AAGAB: variants seen among roughly 807,000 people sequenced by gnomAD.
The protein encoded by AAGAB is alpha- and gamma-adaptin-binding protein p34.
In AAGAB, 38 loss-of-function variants were observed where a neutral mutation model predicts 44.1. That is an observed-to-expected ratio of 0.86 (90% CI 0.67 to 1.13). The LOEUF (loss-of-function observed/expected upper bound fraction) is 1.13, where lower values mean the gene tolerates loss of function less well. Among genes scored for constraint, AAGAB ranks in the 50% most tolerant of loss-of-function variants. The pLI, the probability that AAGAB is intolerant of heterozygous loss-of-function variation, is 0.00. For synonymous variants in AAGAB, 131 were observed against 131.8 expected, an observed-to-expected ratio of 0.99 and a Z score of 0.04; for missense variants, 450 against 373.8, an observed-to-expected ratio of 1.20 and a Z score of -1.68.
intron 1 of AAGAB, among the ~76,000 whole-genome samples, chr15:67,238,844 C>T (rs368941384): frequency 1.3e-5 from 2 of 152,000 alleles, no homozygotes; most frequent in Non-Finnish European, 2.9e-5. Flanking sequence ...TACAGGCACC[C>T]GCCACCATGC....
chr15:67,226,584 GT>G (rs1259154805), intron 5 of AAGAB: 1 of 152,138 alleles, frequency 6.6e-6, no homozygotes, highest in African/African-American at 2.4e-5. Flanking sequence ...TAAGATACAT[GT>G]TTTACAAATA....
chr15:67,222,282 A>ACACACACACACACACACACACACACCCCC (rs796412643), intron 5 of AAGAB, among the ~76,000 whole-genome samples: 1 of 139,850 alleles, frequency 7.2e-6, no homozygotes, highest in Non-Finnish European at 1.6e-5. Flanking sequence ...ACACACACAC[A>ACACACACACACACACACACACACACCCCC]CCCTCCACCC....
chr15:67,255,172 C>G (rs543018360), upstream of AAGAB: 128 of 594,340 alleles, frequency 2.2e-4, 1 homozygote, highest in East Asian at 3.4e-3. Context: ...GACTTTCTGC[C>G]TCTGGGAAAA....
At chr15:67,217,725 ATGGGG>A (rs1963982862) in intron 5 of AAGAB, among the ~76,000 whole-genome samples, 1 of 152,004 alleles carries the variant, frequency 6.6e-6, no homozygotes, top group Admixed American at 6.6e-5. Context: ...TTTAGTAGAG[ATGGGG>A]TTTCACCATG....
chr15:67,214,802 G>C (rs1963904476), intron 5 of AAGAB, among the ~76,000 whole-genome samples: 1 of 152,010 alleles, frequency 6.6e-6, no homozygotes. Context: ...CACCGCGCCT[G>C]GCTAATTTTG....
intron 1 of AAGAB, chr15:67,254,312 C>T: frequency 9.2e-7 from 1 of 1,091,052 alleles, no homozygotes; most frequent in Non-Finnish European, 1.2e-6. Flanking sequence ...CTGGGCTGAG[C>T]AGAGCGGGAA....
In AAGAB at chr15:67,254,560, T is replaced by A; in HGVS notation, c.72A>T (p.Gln24His). Reference sequence around the variant, plus strand: ...CGGCCCAGGCGCCTATCTACTCACGTTGGACCAGCTGGTCTCCTGAGAAGA... The same window carrying A: ...CGGCCCAGGCGCCTATCTACTCACGATGGACCAGCTGGTCTCCTGAGAAGA... The part of the protein sequence containing the change: ...SSVFSGDQLV[Q>H]HILGTEDLIV... The change falls in exon 1 of 10, where the codon CAA becomes CAT. Residue 24 changes from glutamine (Q) to histidine (H), a missense_variant and splice_region_variant. Gln to His is a conservative substitution (Grantham distance 24). Coordinates refer to ENST00000261880, the MANE Select transcript of AAGAB (RefSeq NM_024666.5). 1 of 1,607,804 alleles carries A rather than the reference T, an allele frequency of 6.2e-7. No homozygotes were observed. The highest frequency in any genetic ancestry group is 8.5e-7 in the Non-Finnish European group (1 of 1,178,058).
intron 4 of AAGAB, 65 bp downstream of exon 4, chr15:67,235,914 T>C (rs1964449579): frequency 3.2e-6 from 4 of 1,238,334 alleles, no homozygotes; most frequent in Non-Finnish European, 4.6e-6. Flanking sequence ...TGATTCTTCT[T>C]CCCTGAATTA....
intron 7 of AAGAB, among the ~76,000 whole-genome samples, 191 bp downstream of exon 7, chr15:67,208,371 A>G (rs1290659263): frequency 6.6e-6 from 1 of 152,200 alleles, no homozygotes; most frequent in Non-Finnish European, 1.5e-5. Flanking sequence ...TGGTACCCAC[A>G]TATTTGTTAT....
chr15:67,232,566 C>T (rs909598723), intron 4 of AAGAB: 8 of 404,554 alleles, frequency 2.0e-5, no homozygotes, highest in South Asian at 8.3e-5. Flanking sequence ...GAGAGAAATT[C>T]GGGAAAAAGT....
chr15:67,238,112 C>CA (rs560651431), intron 1 of AAGAB, among the ~76,000 whole-genome samples: 1 of 151,578 alleles, frequency 6.6e-6, no homozygotes, highest in East Asian at 1.9e-4. Context: ...CTTTTTTTAG[C>CA]AAAAAAATTA....
chr15:67,212,308 TTACC>T (rs1278613030), intron 5 of AAGAB, among the ~76,000 whole-genome samples: 3 of 152,212 alleles, frequency 2.0e-5, no homozygotes, highest in Non-Finnish European at 4.4e-5. Flanking sequence ...CATGTATTAT[TTACC>T]TATTCGAAGA....
chr15:67,232,014 G>A, intron 4 of AAGAB, 117 bp from the exon 5 acceptor site: 1 of 730,136 alleles, frequency 1.4e-6, no homozygotes, highest in Non-Finnish European at 2.3e-6. Context: ...AGCACTTTGG[G>A]AGGCCAAGGA....
chr15:67,209,367 A>G, intron 6 of AAGAB, 95 bp downstream of exon 6: 1 of 1,087,630 alleles, frequency 9.2e-7, no homozygotes, highest in Non-Finnish European at 1.4e-6. Flanking sequence ...CACCTTTTAA[A>G]TGGAAAGGAA....
At chr15:67,207,624 T>C (rs1424679380) in intron 7 of AAGAB, among the ~76,000 whole-genome samples, 2 of 152,338 alleles carry the variant, frequency 1.3e-5, no homozygotes, top group African/African-American at 4.8e-5. Context: ...ATTTACTAAG[T>C]AGAGTTCAGT....
At chr15:67,244,731 G>T (rs12910196) in intron 1 of AAGAB, among the ~76,000 whole-genome samples, 32,438 of 151,024 alleles carry the variant, frequency 0.21, 4,122 homozygotes, top group East Asian at 0.47. Flanking sequence ...TTGAACCCCA[G>T]AGGCGGAGGC....
At chr15:67,246,188 C>A (rs538076077) in intron 1 of AAGAB, among the ~76,000 whole-genome samples, 3 of 152,242 alleles carry the variant, frequency 2.0e-5, no homozygotes, top group East Asian at 1.9e-4. Context: ...CAAGACCAGC[C>A]TGAGCAACAC....
chr15:67,204,540 C>A (rs186256415), intron 7 of AAGAB, among the ~76,000 whole-genome samples: 1 of 152,184 alleles, frequency 6.6e-6, no homozygotes, highest in Admixed American at 6.5e-5. Context: ...CCATATTTTA[C>A]TGTACAACAA....
chr15:67,255,014 G>A, upstream of AAGAB: 4 of 1,491,956 alleles, frequency 2.7e-6, no homozygotes, highest in Non-Finnish European at 3.7e-6. Context: ...GGTCCCGCGC[G>A]CCGATTCACC....
Sources: gnomAD v4.1 joint callset for allele counts (sites outside exome capture counted in the v4.1 genomes callset) on GRCh38, gnomAD v4.1.1 for gene constraint, MANE v1.5 for transcripts, NCBI Gene and HGNC (gene_info 2026-07-23, HGNC 2026-07-21) for gene names.